The following LRRC4C variants were observed in gnomAD, a reference collection of about 807,000 sequenced individuals.
LRRC4C encodes leucine-rich repeat-containing protein 4C.
In LRRC4C, 5 loss-of-function variants were observed where a neutral mutation model predicts 33.6. That is an observed-to-expected ratio of 0.15 (90% CI 0.08 to 0.31). The LOEUF (loss-of-function observed/expected upper bound fraction) is 0.31. Among genes scored for constraint, LRRC4C ranks in the 10% least tolerant of loss-of-function variants. The probability of loss-of-function intolerance (pLI) is 1.00; values close to 1 mark genes in which losing one functional copy is unlikely to be tolerated. For synonymous variants in LRRC4C, 329 were observed against 302.0 expected, an observed-to-expected ratio of 1.09 and a Z score of -0.93; for missense variants, 560 against 796.7, an observed-to-expected ratio of 0.70 and a Z score of 3.58.
At chr11:40,437,211 C>T (rs1220746712) in intron 3 of LRRC4C, among the ~76,000 whole-genome samples, 1 of 151,828 alleles carries the variant, frequency 6.6e-6, no homozygotes, top group Non-Finnish European at 1.5e-5. Flanking sequence ...ATTAAGTGGC[C>T]CAAGATAAGG....
chr11:40,833,385 T>A (rs1952507183), intron 2 of LRRC4C, among the ~76,000 whole-genome samples: 1 of 152,174 alleles, frequency 6.6e-6, no homozygotes, highest in African/African-American at 2.4e-5. Flanking sequence ...TAAAAAAAGG[T>A]AAAATTAATT....
At chr11:40,312,138 T>TA (rs1945345402) in intron 4 of LRRC4C, among the ~76,000 whole-genome samples, 1 of 152,122 alleles carries the variant, frequency 6.6e-6, no homozygotes, top group African/African-American at 2.4e-5. Context: ...CTTCTGTTGA[T>TA]ACATAAAAAA....
intron 3 of LRRC4C, among the ~76,000 whole-genome samples, chr11:40,615,160 G>A (rs1464796470): frequency 6.7e-6 from 1 of 149,946 alleles, no homozygotes; most frequent in Non-Finnish European, 1.5e-5. Flanking sequence ...TGTCTGATGA[G>A]TACGGAAAAC....
chr11:40,323,317 T>G (rs1945942827), intron 3 of LRRC4C, among the ~76,000 whole-genome samples: 1 of 152,250 alleles, frequency 6.6e-6, no homozygotes, highest in African/African-American at 2.4e-5. Context: ...CATATAAAAA[T>G]AGTTCCAAAT....
intron 2 of LRRC4C, among the ~76,000 whole-genome samples, chr11:40,841,688 G>T (rs1169152835): frequency 6.6e-6 from 1 of 152,188 alleles, no homozygotes; most frequent in African/African-American, 2.4e-5. Context: ...CCCTGTCTGT[G>T]ATATTTTCTT....
At chr11:41,084,182 A>C (rs1939786544) in intron 1 of LRRC4C, among the ~76,000 whole-genome samples, 1 of 152,158 alleles carries the variant, frequency 6.6e-6, no homozygotes, top group Non-Finnish European at 1.5e-5. Context: ...AGAAGTAATG[A>C]CCTCCTTTAA....
intron 3 of LRRC4C, among the ~76,000 whole-genome samples, chr11:40,599,874 T>A (rs1408116577): frequency 6.6e-6 from 1 of 152,160 alleles, no homozygotes; most frequent in Non-Finnish European, 1.5e-5. Context: ...TTTTGCCTAG[T>A]GTGGTCCATG....
At chr11:41,384,111 T>C (rs760235544) in intron 1 of LRRC4C, among the ~76,000 whole-genome samples, 5 of 151,976 alleles carry the variant, frequency 3.3e-5, no homozygotes, top group Non-Finnish European at 7.4e-5. Context: ...AAAGCTGTAA[T>C]ATGGACACCA....
At chr11:40,263,427 A>G (rs10734482) in intron 4 of LRRC4C, among the ~76,000 whole-genome samples, 149,199 of 152,252 alleles carry the variant, frequency 0.98, 73,178 homozygotes, top group East Asian at 1. Flanking sequence ...CCCAAGCAAG[A>G]CCATTCTGTG....
chr11:41,244,193 C>T (rs911271302), intron 1 of LRRC4C, among the ~76,000 whole-genome samples: 10 of 149,364 alleles, frequency 6.7e-5, no homozygotes, highest in South Asian at 2.2e-4. Flanking sequence ...ATCTATCTAT[C>T]GATCGTAAAA....
chr11:40,641,978 C>G (rs1428389681), intron 3 of LRRC4C, among the ~76,000 whole-genome samples: 2 of 150,366 alleles, frequency 1.3e-5, no homozygotes, highest in South Asian at 4.2e-4. Flanking sequence ...AATTAATGCT[C>G]ATTTTCAAGG....
At chr11:41,013,111 A>G (rs1241216900) in intron 1 of LRRC4C, among the ~76,000 whole-genome samples, 1 of 152,204 alleles carries the variant, frequency 6.6e-6, no homozygotes, top group Non-Finnish European at 1.5e-5. Flanking sequence ...GTAATTACAG[A>G]GTCACATAGT....
intron 2 of LRRC4C, among the ~76,000 whole-genome samples, chr11:40,878,755 T>C (rs746797104): frequency 2.6e-4 from 40 of 152,240 alleles, no homozygotes; most frequent in Non-Finnish European, 5.0e-4. Context: ...AATTATGTTA[T>C]ATCAGATTAT....
chr11:41,004,114 C>A (rs1854569825), intron 1 of LRRC4C, among the ~76,000 whole-genome samples: 1 of 152,132 alleles, frequency 6.6e-6, no homozygotes, highest in Admixed American at 6.5e-5. Context: ...TGTCAATAGG[C>A]CTGTGGTAGG....
chr11:40,799,571 G>T (rs944790983), intron 2 of LRRC4C, among the ~76,000 whole-genome samples: 1 of 152,144 alleles, frequency 6.6e-6, no homozygotes, highest in African/African-American at 2.4e-5. Context: ...CTGGGCTCAG[G>T]TGAATCTCAT....
chr11:40,573,442 A>G (rs557692798), intron 3 of LRRC4C, among the ~76,000 whole-genome samples: 212 of 152,266 alleles, frequency 1.4e-3, no homozygotes, highest in African/African-American at 4.8e-3. Flanking sequence ...GTGACTTTGC[A>G]TATGTAATTC....
intron 3 of LRRC4C, among the ~76,000 whole-genome samples, chr11:40,364,228 G>T (rs1230151597): frequency 6.6e-6 from 1 of 151,910 alleles, no homozygotes; most frequent in South Asian, 2.1e-4. Context: ...AGAAACTGAA[G>T]AAATCTAAAA....
chr11:40,575,103 T>C (rs532412868), intron 3 of LRRC4C, among the ~76,000 whole-genome samples: 2 of 152,142 alleles, frequency 1.3e-5, no homozygotes, highest in East Asian at 3.9e-4. Flanking sequence ...CTCAGGACAA[T>C]GGAATCATCA....
chr11:40,648,500 G>A (rs1266406824), intron 2 of LRRC4C, among the ~76,000 whole-genome samples: 2 of 151,774 alleles, frequency 1.3e-5, no homozygotes, highest in Non-Finnish European at 2.9e-5. Context: ...GTTACACCTA[G>A]TAGTAGATCT....
Sources: gnomAD v4.1 joint callset for allele counts (sites outside exome capture counted in the v4.1 genomes callset) on GRCh38, gnomAD v4.1.1 for gene constraint, MANE v1.5 for transcripts, NCBI Gene and HGNC (gene_info 2026-07-23, HGNC 2026-07-21) for gene names.